Variants in VWA8 observed in about 807,000 individuals in gnomAD.
VWA8 encodes the protein von Willebrand factor A domain-containing protein 8.
A neutral mutation model predicts 241.5 loss-of-function variants in VWA8; 221 were observed. That is an observed-to-expected ratio of 0.91 (90% CI 0.82 to 1.02). The LOEUF is 1.02. Among genes scored for constraint, VWA8 ranks in the 50% least tolerant of loss-of-function variants. The probability of loss-of-function intolerance (pLI) is 0.00; values close to 1 mark genes in which losing one functional copy is unlikely to be tolerated. For synonymous variants in VWA8, 852 were observed against 827.1 expected, an observed-to-expected ratio of 1.03 and a Z score of -0.52; for missense variants, 2,322 against 2,328.7, an observed-to-expected ratio of 1.00 and a Z score of 0.06.
At chr13:41,870,874 T>C (rs1029933008) in intron 9 of VWA8, among the ~76,000 whole-genome samples, 1 of 152,056 alleles carries the variant, frequency 6.6e-6, no homozygotes. Context: ...AAAATAAAAA[T>C]AGTAGGCCAG....
chr13:41,928,084 TG>T (rs1369587962), intron 2 of VWA8, among the ~76,000 whole-genome samples: 1 of 152,148 alleles, frequency 6.6e-6, no homozygotes, highest in East Asian at 1.9e-4. Flanking sequence ...CACCCAACAC[TG>T]TAGCACCTAA....
rs2045464630 is a variant in VWA8 at position 41,729,586 on chromosome 13, T to C, written c.2594A>G (p.Glu865Gly). The C allele has an allele frequency of 6.2e-7, 1 of 1,612,976 alleles. No homozygotes were observed. Among genetic ancestry groups the C allele is most frequent in the Non-Finnish European group, 8.5e-7 (1 of 1,179,444 alleles). Residue 865 changes from glutamate to glycine, a missense_variant, in exon 23 of 45, where the codon GAA becomes GGA. Physicochemically the swap from Glu to Gly is moderately conservative, Grantham distance 98. Coordinates refer to ENST00000379310, the MANE Select transcript of VWA8 (RefSeq NM_015058.2). The stretch of plus-strand genomic sequence containing the variant: ...ATCTGCTAGAATCATTTCTCCATTT[T>C]CTACTAGAGTTTTTAAAATACACGT... The part of the protein sequence containing the change: ...NVTCILKTLV[E>G]NGEMILADGR...
chr13:41,589,271 C>G (rs1294102754), intron 41 of VWA8, among the ~76,000 whole-genome samples: 1 of 152,132 alleles, frequency 6.6e-6, no homozygotes, highest in Non-Finnish European at 1.5e-5. Flanking sequence ...TTACATACTA[C>G]AATTATAGTT....
chr13:41,682,478 T>G (rs541702892), intron 35 of VWA8, among the ~76,000 whole-genome samples: 3 of 152,312 alleles, frequency 2.0e-5, no homozygotes, highest in South Asian at 4.1e-4. Flanking sequence ...GAGAAAATGT[T>G]TGCAAAGTAC....
chr13:41,758,869 CA>C (rs754240137), intron 21 of VWA8, among the ~76,000 whole-genome samples: 56 of 151,280 alleles, frequency 3.7e-4, no homozygotes, highest in Middle Eastern at 3.4e-3. Flanking sequence ...GATATTTTAT[CA>C]GGAATGGATA....
intron 9 of VWA8, among the ~76,000 whole-genome samples, chr13:41,877,689 C>T (rs1873964093): frequency 6.6e-6 from 1 of 152,076 alleles, no homozygotes; most frequent in Admixed American, 6.6e-5. Flanking sequence ...ACCAAGAGAA[C>T]TTACCAATTT....
intron 20 of VWA8, among the ~76,000 whole-genome samples, chr13:41,766,983 C>A (rs910265858): frequency 1.3e-5 from 2 of 152,182 alleles, no homozygotes; most frequent in Non-Finnish European, 2.9e-5. Flanking sequence ...AAATCCAGAT[C>A]TTTTCTTCAG....
At chr13:41,837,255 G>C (rs190153664) in intron 12 of VWA8, among the ~76,000 whole-genome samples, 29 of 152,150 alleles carry the variant, frequency 1.9e-4, no homozygotes, top group Admixed American at 3.9e-4. Context: ...ACCTTCCTAA[G>C]AGAAAGAAAA....
chr13:41,770,554 T>A (rs2137919183), intron 20 of VWA8, among the ~76,000 whole-genome samples: 1 of 152,174 alleles, frequency 6.6e-6, no homozygotes, highest in South Asian at 2.1e-4. Context: ...GGGGATTTTA[T>A]CTGGTAGACA....
chr13:41,723,841 T>C (rs1013899980), intron 24 of VWA8, among the ~76,000 whole-genome samples: 1 of 152,118 alleles, frequency 6.6e-6, no homozygotes, highest in South Asian at 2.1e-4. Flanking sequence ...AGATGAATAT[T>C]TGGCAATAAC....
intron 15 of VWA8, among the ~76,000 whole-genome samples, chr13:41,818,567 AAATAAT>A (rs1246763339): frequency 6.6e-6 from 1 of 151,916 alleles, no homozygotes; most frequent in Non-Finnish European, 1.5e-5. Flanking sequence ...AGTTTCAAAC[AAATAAT>A]AATAATAATA....
rs554356684 is a variant in VWA8 at position 41,877,354 on chromosome 13, G to A, written c.1080+6033C>T. Among the ~76,000 whole-genome samples, 8 of 151,576 alleles carry A rather than the reference G, an allele frequency of 5.3e-5. No individual in the cohort carries two copies. The East Asian group carries it at 1.6e-3, about 29-fold the overall frequency. ...ATTCTTATTTCACTGGCCTACTTCA[G>A]GTCATTACTGCTTTGACCAGAGCTA... On this transcript the variant is annotated intron_variant, in intron 9 of 44. Transcript: ENST00000379310.
intron 37 of VWA8, among the ~76,000 whole-genome samples, chr13:41,635,572 T>G (rs1488130469): frequency 6.6e-6 from 1 of 152,204 alleles, no homozygotes; most frequent in African/African-American, 2.4e-5. Flanking sequence ...GGCACTCTGC[T>G]AGATGCTGAG....
In VWA8 at chr13:41,701,531, C is replaced by G. The variant is rs755525482; in HGVS notation, c.3226-1G>C. On this transcript the variant is annotated splice_acceptor_variant, in intron 27 of 44. Coordinates refer to ENST00000379310, the MANE Select transcript of VWA8 (RefSeq NM_015058.2). LOFTEE classifies it high-confidence loss of function. Reference sequence around the variant, plus strand: ...CCTGTATATTTATAAGTGCTGGACCCTATAATAAAGCAGTTATCTCAGTTA... The same window carrying G: ...CCTGTATATTTATAAGTGCTGGACCGTATAATAAAGCAGTTATCTCAGTTA... 8 of 1,544,764 alleles carry G rather than the reference C, an allele frequency of 5.2e-6. No homozygotes were observed. The South Asian group carries it at 1.0e-4, about 20-fold the overall frequency.
At chr13:41,692,764 A>C (rs978871261) in intron 30 of VWA8, 98 bp downstream of exon 30, 1 of 854,100 alleles carries the variant, frequency 1.2e-6, no homozygotes, top group Non-Finnish European at 1.8e-6. Context: ...GCATTACAAC[A>C]AAAAAGGCAC....
intron 12 of VWA8, among the ~76,000 whole-genome samples, chr13:41,841,785 A>C (rs1453190110): frequency 3.7e-5 from 1 of 27,032 alleles, no homozygotes; most frequent in African/African-American, 2.9e-4. Context: ...ACTCTGTCTC[A>C]AAAAAAAAAA....
intron 2 of VWA8, among the ~76,000 whole-genome samples, chr13:41,937,124 C>A (rs1016745664): frequency 1.3e-5 from 2 of 152,140 alleles, no homozygotes; most frequent in African/African-American, 2.4e-5. Flanking sequence ...ATAGGCTGTA[C>A]CATATAGCCT....
At chr13:41,879,860 T>C (rs1341806162) in intron 9 of VWA8, among the ~76,000 whole-genome samples, 2 of 152,218 alleles carry the variant, frequency 1.3e-5, no homozygotes, top group Non-Finnish European at 2.9e-5. Flanking sequence ...CTGAAGGTTC[T>C]ATACAGAAAG....
chr13:41,581,402 T>A (rs1480912231), intron 42 of VWA8, among the ~76,000 whole-genome samples: 1 of 152,208 alleles, frequency 6.6e-6, no homozygotes, highest in Non-Finnish European at 1.5e-5. Context: ...ACATAATCCC[T>A]AACACAATGG....
Sources: allele counts gnomAD v4.1 joint callset (sites outside exome capture counted in the v4.1 genomes callset), GRCh38; gene constraint gnomAD v4.1.1; transcripts MANE v1.5; gene names NCBI Gene and HGNC (gene_info 2026-07-23, HGNC 2026-07-21).